The following ZNF503 variants were observed in gnomAD, a reference collection of about 807,000 sequenced individuals.
ZNF503 encodes zinc finger protein 503.
In ZNF503, 15 loss-of-function variants were observed where a neutral mutation model predicts 34.4. The observed-to-expected ratio is 0.44, with a 90% CI of 0.29 to 0.67. ZNF503 has a LOEUF of 0.67. Ranked by LOEUF, ZNF503 falls within the 30% of genes least tolerant of loss-of-function variation. The probability of loss-of-function intolerance (pLI) is 0.13; values close to 1 mark genes in which losing one functional copy is unlikely to be tolerated. For missense variants in ZNF503, 1,007 were observed against 926.8 expected, an observed-to-expected ratio of 1.09 and a Z score of -1.12; for synonymous variants, 580 against 456.8, an observed-to-expected ratio of 1.27 and a Z score of -3.44.
At chr10:75,376,248 C>A in the ZNF503 span, among the ~76,000 whole-genome samples, 700 of 152,342 alleles carry the variant, frequency 4.6e-3, 3 homozygotes, top group African/African-American at 0.016. Context: ...GGCTTGTAAT[C>A]TGTGCCTGGG....
the ZNF503 span, among the ~76,000 whole-genome samples, chr10:75,355,286 C>T: frequency 7.6e-3 from 1,160 of 152,302 alleles, 16 homozygotes; most frequent in African/African-American, 0.027. Context: ...CAACCTACAG[C>T]ACCTTTTTTT....
chr10:75,325,862 C>CTT, the ZNF503 span, among the ~76,000 whole-genome samples: 3 of 145,996 alleles, frequency 2.1e-5, no homozygotes, highest in Non-Finnish European at 3.0e-5. Context: ...AATGGTATTG[C>CTT]TTTTTTTTTT....
chr10:75,309,306 C>T, the ZNF503 span, among the ~76,000 whole-genome samples: 1 of 152,218 alleles, frequency 6.6e-6, no homozygotes, highest in African/African-American at 2.4e-5. Context: ...TTGACTCTAA[C>T]TCTGTAAGAA....
At chr10:75,400,847 G>A (rs1023430242) in intron 1 of ZNF503, among the ~76,000 whole-genome samples, 3 of 152,240 alleles carry the variant, frequency 2.0e-5, no homozygotes, top group African/African-American at 4.8e-5. Context: ...GAGTGAAGGG[G>A]CCTGGGTCGG....
chr10:75,347,369 C>G, the ZNF503 span, among the ~76,000 whole-genome samples: 1 of 137,732 alleles, frequency 7.3e-6, no homozygotes, highest in Non-Finnish European at 1.5e-5. Context: ...AATCCCACAT[C>G]CATCTGGGCC....
At chr10:75,310,287 C>T in the ZNF503 span, among the ~76,000 whole-genome samples, 1 of 152,160 alleles carries the variant, frequency 6.6e-6, no homozygotes, top group South Asian at 2.1e-4. Flanking sequence ...ACGTTTGGGA[C>T]CTGAGAAATG....
chr10:75,369,448 G>A, the ZNF503 span, among the ~76,000 whole-genome samples: 6 of 152,152 alleles, frequency 3.9e-5, no homozygotes, highest in African/African-American at 1.2e-4. Flanking sequence ...TTTATAAGGG[G>A]CTTCCCCCTT....
the ZNF503 span, among the ~76,000 whole-genome samples, chr10:75,287,916 A>T: frequency 1.3e-5 from 2 of 152,178 alleles, no homozygotes; most frequent in African/African-American, 4.8e-5. Flanking sequence ...TGTCCAGGAT[A>T]GGGTACTGGG....
chr10:75,328,736 A>AATGTC, the ZNF503 span, among the ~76,000 whole-genome samples: 1 of 144,412 alleles, frequency 6.9e-6, no homozygotes, highest in Non-Finnish European at 1.5e-5. Context: ...ATGAACATGA[A>AATGTC]ATGTCTTTTC....
chr10:75,388,474 T>G, the ZNF503 span, among the ~76,000 whole-genome samples: 23 of 152,150 alleles, frequency 1.5e-4, no homozygotes, highest in Non-Finnish European at 7.4e-5. Flanking sequence ...GAAAGGCAGG[T>G]ATCTGTGGCT....
At chr10:75,362,430 C>T in the ZNF503 span, among the ~76,000 whole-genome samples, 5 of 152,218 alleles carry the variant, frequency 3.3e-5, no homozygotes, top group Admixed American at 1.3e-4. Context: ...GAAGTCCCAC[C>T]GTGACTGCCA....
chr10:75,362,121 T>A, the ZNF503 span, among the ~76,000 whole-genome samples: 1 of 152,156 alleles, frequency 6.6e-6, no homozygotes, highest in Non-Finnish European at 1.5e-5. Flanking sequence ...ACAGCACCAA[T>A]GCAAAGCCCT....
At chr10:75,306,305 G>A in the ZNF503 span, among the ~76,000 whole-genome samples, 10 of 152,204 alleles carry the variant, frequency 6.6e-5, no homozygotes, top group African/African-American at 2.4e-4. Context: ...GATGTTGAGT[G>A]TCATTTCATA....
At chr10:75,321,759 C>T in the ZNF503 span, among the ~76,000 whole-genome samples, 1 of 152,154 alleles carries the variant, frequency 6.6e-6, no homozygotes, top group Non-Finnish European at 1.5e-5. Flanking sequence ...CTGCTTCTAA[C>T]AACCTAAGCT....
At chr10:75,336,620 G>A in the ZNF503 span, among the ~76,000 whole-genome samples, 1 of 152,160 alleles carries the variant, frequency 6.6e-6, no homozygotes, top group African/African-American at 2.4e-5. Context: ...TCAGCTCTGT[G>A]GGTCAGATGT....
chr10:75,293,104 G>A, the ZNF503 span, among the ~76,000 whole-genome samples: 1 of 152,164 alleles, frequency 6.6e-6, no homozygotes, highest in South Asian at 2.1e-4. Context: ...CACGGCTTCC[G>A]AGGTCTTCTT....
At chr10:75,345,430 T>A in the ZNF503 span, among the ~76,000 whole-genome samples, 1 of 149,924 alleles carries the variant, frequency 6.7e-6, no homozygotes. Flanking sequence ...AGGTCAGGAG[T>A]TCGAGACCAG....
At chr10:75,280,521 G>A in the ZNF503 span, among the ~76,000 whole-genome samples, 135 of 152,000 alleles carry the variant, frequency 8.9e-4, no homozygotes, top group Middle Eastern at 3.4e-3. Flanking sequence ...GGAGATGATT[G>A]TGGTGGGCTT....
In ZNF503 at chr10:75,398,816, G is replaced by A. The variant is rs544536734; in HGVS notation, c.1874C>T (p.Pro625Leu). Residue 625 changes from proline to leucine, a missense_variant, in exon 2 of 2, where the codon CCG becomes CTG. By Grantham distance (98) the Pro-to-Leu change is moderately conservative. Coordinates refer to ENST00000372524, the MANE Select transcript of ZNF503 (RefSeq NM_032772.6). ...GTAGAGGGCGTAGGGGGAGTAGTAC[G>A]GTCCGGTGGCGGCGGGCACCGGCAC... Reference protein sequence around the residue: ...APVPVPAATGPYYSPYALYGQ... With the variant: ...APVPVPAATGLYYSPYALYGQ... 5 of 1,496,112 alleles carry A rather than the reference G, an allele frequency of 3.3e-6. No individual in the cohort carries two copies. Among genetic ancestry groups the A allele is most frequent in the African/African-American group, 1.4e-5 (1 of 70,928 alleles). 92.7% of individuals were successfully genotyped at this position (1,496,112 alleles called of 1,614,324 possible).
Sources: allele counts gnomAD v4.1 joint callset (sites outside exome capture counted in the v4.1 genomes callset), GRCh38; gene constraint gnomAD v4.1.1; transcripts MANE v1.5; gene names NCBI Gene and HGNC (gene_info 2026-07-23, HGNC 2026-07-21).